UBE2E2: variants seen among roughly 807,000 people sequenced by gnomAD.
The protein encoded by UBE2E2 is ubiquitin conjugating enzyme E2 E2.
Under a neutral mutation model 24.7 loss-of-function variants are expected in UBE2E2, and 6 were observed. The observed-to-expected ratio is 0.24, with a 90% CI of 0.13 to 0.48. The LOEUF (loss-of-function observed/expected upper bound fraction) is 0.48, where lower values mean the gene tolerates loss of function less well. Among genes scored for constraint, UBE2E2 ranks in the 20% least tolerant of loss-of-function variants. The probability of loss-of-function intolerance (pLI) is 0.99; values close to 1 mark genes in which losing one functional copy is unlikely to be tolerated. For synonymous variants in UBE2E2, 104 were observed against 83.6 expected (o/e 1.24, Z -1.33); for missense variants, 169 against 245.0 (o/e 0.69, Z 2.07).
intron 3 of UBE2E2, among the ~76,000 whole-genome samples, chr3:23,488,795 G>A (rs1699435330): frequency 1.3e-5 from 2 of 152,132 alleles, no homozygotes; most frequent in Admixed American, 1.3e-4. Context: ...GGGAGGTGGG[G>A]GCGGAATTAA....
intron 3 of UBE2E2, among the ~76,000 whole-genome samples, chr3:23,311,715 T>C (rs1240766966): frequency 6.6e-6 from 1 of 152,234 alleles, no homozygotes; most frequent in Non-Finnish European, 1.5e-5. Flanking sequence ...TTCTCTAGTT[T>C]TTAGTTTTTA....
At chr3:23,235,005 A>C (rs1697068530) in intron 3 of UBE2E2, among the ~76,000 whole-genome samples, 1 of 152,232 alleles carries the variant, frequency 6.6e-6, no homozygotes, top group Admixed American at 6.5e-5. Context: ...TGAGGTTAAC[A>C]TTCATTTAAC....
chr3:23,227,152 C>T (rs370153741), intron 3 of UBE2E2, among the ~76,000 whole-genome samples: 1 of 152,114 alleles, frequency 6.6e-6, no homozygotes, highest in East Asian at 1.9e-4. Context: ...ATGGCCTCTA[C>T]GGATCTTAAA....
chr3:23,387,322 A>C (rs1696826406), intron 3 of UBE2E2, among the ~76,000 whole-genome samples: 2 of 152,194 alleles, frequency 1.3e-5, no homozygotes, highest in Non-Finnish European at 2.9e-5. Flanking sequence ...TTCTTTTCAA[A>C]AGGTGAATTG....
chr3:23,455,968 C>T (rs537383865), intron 3 of UBE2E2, among the ~76,000 whole-genome samples: 1 of 152,224 alleles, frequency 6.6e-6, no homozygotes, highest in Non-Finnish European at 1.5e-5. Flanking sequence ...AATGTAACTT[C>T]TTTCAAAATT....
chr3:23,463,336 G>A (rs1449682690), intron 3 of UBE2E2, among the ~76,000 whole-genome samples: 2 of 152,064 alleles, frequency 1.3e-5, no homozygotes, highest in African/African-American at 4.8e-5. Context: ...AAAATTCCAG[G>A]CAGCTTGGAA....
intron 3 of UBE2E2, among the ~76,000 whole-genome samples, chr3:23,286,188 A>G (rs929329557): frequency 2.0e-5 from 3 of 151,962 alleles, no homozygotes; most frequent in East Asian, 1.9e-4. Context: ...ATGTGATTCC[A>G]TTTGCCCATT....
chr3:23,301,581 T>C (rs1699093497), intron 3 of UBE2E2, among the ~76,000 whole-genome samples: 1 of 152,192 alleles, frequency 6.6e-6, no homozygotes, highest in Admixed American at 6.5e-5. Context: ...TCAGCAGCAG[T>C]GGCTGCAGAA....
At chr3:23,206,933 G>C (rs1018865537) in intron 1 of UBE2E2, among the ~76,000 whole-genome samples, 5 of 152,148 alleles carry the variant, frequency 3.3e-5, no homozygotes, top group African/African-American at 1.2e-4. Flanking sequence ...TTGATTAAGA[G>C]TAATCAAAAG....
intron 4 of UBE2E2, among the ~76,000 whole-genome samples, chr3:23,516,769 A>T (rs1037520663): frequency 6.6e-6 from 1 of 152,148 alleles, no homozygotes; most frequent in African/African-American, 2.4e-5. Context: ...TAAACTAATG[A>T]TACAGGTTTT....
intron 5 of UBE2E2, among the ~76,000 whole-genome samples, chr3:23,554,625 G>A (rs572661144): frequency 1.8e-4 from 27 of 152,208 alleles, no homozygotes; most frequent in Non-Finnish European, 3.1e-4. Context: ...AAAACTCCTC[G>A]AAGAAAACGT....
Position 23,552,455 on chromosome 3 carries a change from G to A in UBE2E2, c.508+19754G>A, listed in dbSNP as rs141600282. ...TGAGTAGATCTGGATTTCATGATAA[G>A]CGCCTGTTTAACTAAACTAATGGGT... On this transcript the variant is annotated intron_variant, in intron 5 of 5. Coordinates refer to ENST00000396703, the MANE Select transcript of UBE2E2 (RefSeq NM_152653.4). Among the ~76,000 whole-genome samples, 1,232 of 152,192 alleles carry A rather than the reference G, an allele frequency of 8.1e-3. 14 individuals are homozygous for A. The highest frequency in any genetic ancestry group is 0.027 in the African/African-American group (1,129 of 41,542).
chr3:23,363,210 A>G (rs1202815654), intron 3 of UBE2E2, among the ~76,000 whole-genome samples: 2 of 152,240 alleles, frequency 1.3e-5, no homozygotes, highest in African/African-American at 4.8e-5. Flanking sequence ...TTAAGAACGT[A>G]GACTAGTAAT....
At chr3:23,540,645 C>G (rs1035802496) in intron 5 of UBE2E2, among the ~76,000 whole-genome samples, 3 of 152,152 alleles carry the variant, frequency 2.0e-5, no homozygotes, top group African/African-American at 7.2e-5. Flanking sequence ...CCTCGTGATC[C>G]TCCTGCCTTG....
chr3:23,326,543 G>T (rs1166038955), intron 3 of UBE2E2, among the ~76,000 whole-genome samples: 1 of 152,106 alleles, frequency 6.6e-6, no homozygotes, highest in South Asian at 2.1e-4. Flanking sequence ...AGATGTGTCT[G>T]TCCCTTGCCT....
At chr3:23,571,276 C>CTTTATTTTTTTT in intron 5 of UBE2E2, among the ~76,000 whole-genome samples, 1 of 24,694 alleles carries the variant, frequency 4.0e-5, no homozygotes, top group South Asian at 1.5e-3. Flanking sequence ...CTGTGTGCTC[C>CTTTATTTTTTTT]TTTCTTTTTT....
At chr3:23,264,158 C>A (rs780955555) in intron 3 of UBE2E2, among the ~76,000 whole-genome samples, 1 of 152,032 alleles carries the variant, frequency 6.6e-6, no homozygotes, top group Non-Finnish European at 1.5e-5. Flanking sequence ...TTCTGGGAGA[C>A]AGAGGTAGAC....
chr3:23,504,505 G>A (rs1358196578), intron 4 of UBE2E2, among the ~76,000 whole-genome samples: 3 of 152,060 alleles, frequency 2.0e-5, no homozygotes, highest in Non-Finnish European at 2.9e-5. Context: ...TTTTGGTAAC[G>A]ATTGACAAAT....
chr3:23,513,985 C>G (rs541566145), intron 4 of UBE2E2, among the ~76,000 whole-genome samples: 2 of 152,202 alleles, frequency 1.3e-5, no homozygotes, highest in Non-Finnish European at 2.9e-5. Context: ...TGATTTGTCA[C>G]TGCCCTGCTT....
Sources: allele counts gnomAD v4.1 joint callset (sites outside exome capture counted in the v4.1 genomes callset), GRCh38; gene constraint gnomAD v4.1.1; transcripts MANE v1.5; gene names NCBI Gene and HGNC (gene_info 2026-07-23, HGNC 2026-07-21).